Variants in MITF observed in about 807,000 individuals in gnomAD.
The protein encoded by MITF is melanocyte inducing transcription factor.
In MITF, 17 loss-of-function variants were observed where a neutral mutation model predicts 60.5. That is an observed-to-expected ratio of 0.28 (90% CI 0.19 to 0.42). MITF has a LOEUF of 0.42. MITF is among the 10% of genes least tolerant of loss of function. The pLI is 1.00. For synonymous variants in MITF, 260 were observed against 248.5 expected (o/e 1.05, Z -0.43); for missense variants, 622 against 683.5 (o/e 0.91, Z 1.00).
At chr3:69,832,345 G>A (rs940495588) in intron 1 of MITF, among the ~76,000 whole-genome samples, 1 of 152,174 alleles carries the variant, frequency 6.6e-6, no homozygotes, top group Non-Finnish European at 1.5e-5. Context: ...AAGTGAAGGA[G>A]GCATTTTTTC....
intron 3 of MITF, chr3:69,938,402 A>T (rs2065894836): frequency 1.3e-6 from 2 of 1,556,464 alleles, no homozygotes; most frequent in South Asian, 1.2e-5. Context: ...GTGGAAAAGG[A>T]AAAGCAAAAA....
chr3:69,763,795 A>G, intron 1 of MITF: 2 of 1,364,210 alleles, frequency 1.5e-6, no homozygotes, highest in Non-Finnish European at 1.9e-6. Context: ...AATGGTTGGC[A>G]TTAATCTTGG....
At position 69,875,519 on chromosome 3, in the gene MITF, A is replaced by G. The variant is rs188665950; in HGVS notation, c.105-3615A>G. 3.0e-3 allele frequency among the ~76,000 whole-genome samples: 463 copies of G among 152,344 alleles called. 14 individuals carry two copies. In the South Asian group the frequency reaches 0.063, roughly 21 times the overall value. On this transcript the variant is annotated intron_variant, in intron 1 of 9. Coordinates refer to ENST00000352241, the MANE Select transcript of MITF (RefSeq NM_001354604.2). ...AATCTGATTAAAAGGAATCAGACTC[A>G]TGGAATTAGGATTATCTAGCGAAGA... is the stretch of plus-strand genomic sequence containing the variant.
intron 1 of MITF, among the ~76,000 whole-genome samples, chr3:69,810,155 A>T (rs563387804): frequency 1.2e-3 from 176 of 152,272 alleles, no homozygotes; most frequent in African/African-American, 3.9e-3. Flanking sequence ...CTGGCCAGAA[A>T]AACTGGATGT....
intron 1 of MITF, among the ~76,000 whole-genome samples, chr3:69,789,768 A>C (rs1413511205): frequency 6.6e-6 from 1 of 152,096 alleles, no homozygotes; most frequent in Non-Finnish European, 1.5e-5. Context: ...AGGCGTGCGA[A>C]TTGCTTGAAC....
At chr3:69,918,888 G>A (rs1575960873) in intron 2 of MITF, among the ~76,000 whole-genome samples, 1 of 152,112 alleles carries the variant, frequency 6.6e-6, no homozygotes, top group South Asian at 2.1e-4. Flanking sequence ...TATGGAAAAT[G>A]GCATGGCTTG....
intron 2 of MITF, among the ~76,000 whole-genome samples, chr3:69,886,830 A>G (rs2064630971): frequency 6.6e-6 from 1 of 152,112 alleles, no homozygotes. Context: ...CTACAGTGAA[A>G]GTTTCTATAA....
intron 8 of MITF, among the ~76,000 whole-genome samples, chr3:69,958,516 G>A (rs535618411): frequency 5.9e-5 from 9 of 151,622 alleles, no homozygotes; most frequent in Admixed American, 5.2e-4. Context: ...CCTGATACTT[G>A]TAGATGAGGA....
chr3:69,822,742 A>G (rs1374880837), intron 1 of MITF, among the ~76,000 whole-genome samples: 1 of 152,124 alleles, frequency 6.6e-6, no homozygotes, highest in Non-Finnish European at 1.5e-5. Context: ...ACCCACCCAC[A>G]TACAAACACC....
intron 1 of MITF, among the ~76,000 whole-genome samples, chr3:69,742,003 A>G (rs1703545382): frequency 6.6e-6 from 1 of 152,198 alleles, no homozygotes; most frequent in African/African-American, 2.4e-5. Context: ...TGGATTGTCC[A>G]GAGTTGTTAG....
chr3:69,763,619 C>T (rs1050040407), intron 1 of MITF: 1 of 1,217,058 alleles, frequency 8.2e-7, no homozygotes. Context: ...TCTGCAATCG[C>T]ATCTTTGTAA....
At chr3:69,869,807 A>G (rs1269617879) in intron 1 of MITF, among the ~76,000 whole-genome samples, 2 of 152,160 alleles carry the variant, frequency 1.3e-5, no homozygotes, top group African/African-American at 4.8e-5. Flanking sequence ...CTGAATCTAT[A>G]GGAACTGCCT....
At chr3:69,944,276 G>C (rs894873612) in intron 5 of MITF, among the ~76,000 whole-genome samples, 1 of 152,076 alleles carries the variant, frequency 6.6e-6, no homozygotes. Flanking sequence ...CTGTGGATGC[G>C]AAGGTGACTA....
At chr3:69,767,040 A>C (rs2062307790) in intron 1 of MITF, among the ~76,000 whole-genome samples, 1 of 152,214 alleles carries the variant, frequency 6.6e-6, no homozygotes, top group African/African-American at 2.4e-5. Flanking sequence ...TAGATTTAGC[A>C]GATATATTAA....
rs2066704546 is a variant in MITF, at chr3:69,966,983, T to C, written c.*1735T>C. On this transcript the variant is annotated 3_prime_UTR_variant, in exon 10 of 10. Coordinates refer to ENST00000352241, the MANE Select transcript of MITF (RefSeq NM_001354604.2). ...AGAGCTTCCAATTTTCCTTCAGATA[T>C]TTTTAATATTAAATATATTTTAGTG... 2 of 232,006 alleles carry C rather than the reference T, an allele frequency of 8.6e-6. No individual in the cohort carries two copies. Among genetic ancestry groups the C allele is most frequent in the Admixed American group, 5.6e-5 (1 of 17,746 alleles). The allele number at this position is 232,006 out of a possible 1,614,324, so 14.4% of individuals were successfully genotyped here.
intron 1 of MITF, among the ~76,000 whole-genome samples, chr3:69,860,452 G>T (rs113566984): frequency 3.0e-4 from 46 of 152,202 alleles, no homozygotes; most frequent in African/African-American, 1.1e-3. Context: ...AAAAAAATTA[G>T]CCGGGCGCAG....
At chr3:69,921,895 AG>A (rs2065475689) in intron 2 of MITF, among the ~76,000 whole-genome samples, 1 of 152,182 alleles carries the variant, frequency 6.6e-6, no homozygotes, top group Non-Finnish European at 1.5e-5. Flanking sequence ...TGTGCATCGT[AG>A]GATGTTTAGC....
Position 69,938,020 on chromosome 3 carries a change from C to T in MITF, c.553C>T (p.Leu185Phe). 1.2e-6 allele frequency: 2 copies of T among 1,614,180 alleles called. No individual in the cohort carries two copies. The highest frequency in any genetic ancestry group is 1.7e-6 in the Non-Finnish European group (2 of 1,180,008). The change falls in exon 3 of 10, where the codon CTT becomes TTT. Residue 185 changes from leucine to phenylalanine, a missense_variant. Leu to Phe is a conservative substitution (Grantham distance 22). This residue lies in a region of MITF where 215 missense variants were observed against 224.8 expected (regional missense o/e 0.96). Transcript: ENST00000352241. ...CGCACCCAACAGCCCCATGGCTATG[C>T]TTACGCTTAACTCCAACTGTGAAAA... ...SSAPNSPMAM[L>F]TLNSNCEKEG...
chr3:69,794,398 G>A (rs186250029), intron 1 of MITF, among the ~76,000 whole-genome samples: 397 of 152,220 alleles, frequency 2.6e-3, no homozygotes, highest in African/African-American at 9.2e-3. Context: ...AAGTCAGATG[G>A]CTTTGTGTTG....
Sources: gnomAD v4.1 joint callset for allele counts (sites outside exome capture counted in the v4.1 genomes callset) on GRCh38, gnomAD v4.1.1 for gene constraint, gnomAD v4.1.1 regional missense constraint, MANE v1.5 for transcripts, NCBI Gene and HGNC (gene_info 2026-07-23, HGNC 2026-07-21) for gene names.